DLGAP1: variants seen among roughly 807,000 people sequenced by gnomAD.
The protein encoded by DLGAP1 is disks large-associated protein 1.
DLGAP1 carries 11 observed loss-of-function variants against 90.8 expected under a neutral mutation model. The ratio of observed to expected loss-of-function variants is 0.12; its 90% CI spans 0.08 to 0.20. The LOEUF (loss-of-function observed/expected upper bound fraction) is 0.20. DLGAP1 is among the 10% of genes least tolerant of loss of function. The pLI is 1.00. For synonymous variants in DLGAP1, 558 were observed against 540.7 expected (o/e 1.03, Z -0.44); for missense variants, 1,050 against 1,333.8 (o/e 0.79, Z 3.31).
intron 1 of DLGAP1, among the ~76,000 whole-genome samples, chr18:4,162,197 A>G (rs2076857934): frequency 6.6e-6 from 1 of 152,194 alleles, no homozygotes; most frequent in South Asian, 2.1e-4. Flanking sequence ...AGGATGATCC[A>G]AAGCGATAAT....
At chr18:4,356,868 C>A (rs2081527238) in intron 1 of DLGAP1, among the ~76,000 whole-genome samples, 1 of 152,136 alleles carries the variant, frequency 6.6e-6, no homozygotes, top group African/African-American at 2.4e-5. Flanking sequence ...AGTCCACTGG[C>A]CCCCTTGGTC....
intron 5 of DLGAP1, chr18:3,770,071 G>A (rs2064451832): frequency 6.6e-6 from 1 of 152,132 alleles, no homozygotes; most frequent in Non-Finnish European, 1.5e-5. Flanking sequence ...TTGTACCTAA[G>A]AATAAGTAGA....
intron 1 of DLGAP1, among the ~76,000 whole-genome samples, chr18:4,155,784 T>G (rs773214689): frequency 2.0e-5 from 3 of 152,114 alleles, no homozygotes; most frequent in Non-Finnish European, 2.9e-5. Context: ...TTTTCAGCTT[T>G]TACTCTGAGA....
intron 3 of DLGAP1, among the ~76,000 whole-genome samples, chr18:3,939,356 G>C (rs2072714225): frequency 6.8e-6 from 1 of 146,582 alleles, no homozygotes; most frequent in Non-Finnish European, 1.5e-5. Flanking sequence ...GGTGGAGGTT[G>C]TAGTGAGCTG....
At chr18:4,295,638 G>A (rs997718475) in intron 1 of DLGAP1, among the ~76,000 whole-genome samples, 2 of 152,144 alleles carry the variant, frequency 1.3e-5, no homozygotes, top group African/African-American at 4.8e-5. Context: ...ATTTCATCTG[G>A]CTGTGCTACT....
intron 3 of DLGAP1, among the ~76,000 whole-genome samples, chr18:3,959,669 A>AAAG (rs1555714889): frequency 1.7e-3 from 257 of 149,304 alleles, no homozygotes; most frequent in Middle Eastern, 3.4e-3. Flanking sequence ...GTCTCAAAAA[A>AAAG]AAAGAAAGAA....
intron 7 of DLGAP1, chr18:3,594,080 A>T (rs2056433592): frequency 6.6e-6 from 1 of 151,952 alleles, no homozygotes; most frequent in Non-Finnish European, 1.5e-5. Context: ...CTCCTCTGTT[A>T]GAACTACAGC....
intron 7 of DLGAP1, among the ~76,000 whole-genome samples, chr18:3,705,722 G>A (rs998742063): frequency 2.0e-5 from 3 of 151,248 alleles, no homozygotes; most frequent in Non-Finnish European, 2.9e-5. Context: ...GCAGTGGCTC[G>A]ATCTCGGCTC....
At chr18:4,352,700 G>A (rs920527207) in intron 1 of DLGAP1, among the ~76,000 whole-genome samples, 1 of 151,950 alleles carries the variant, frequency 6.6e-6, no homozygotes, top group Non-Finnish European at 1.5e-5. Flanking sequence ...TCCCCACCCA[G>A]GACAACCACA....
chr18:3,635,241 C>T (rs992851820), intron 7 of DLGAP1, among the ~76,000 whole-genome samples: 24 of 152,068 alleles, frequency 1.6e-4, no homozygotes, highest in African/African-American at 5.8e-4. Flanking sequence ...CGCCATTCTC[C>T]TGCCTCAGCC....
At chr18:3,761,657 C>A (rs2063971571) in intron 5 of DLGAP1, among the ~76,000 whole-genome samples, 1 of 151,892 alleles carries the variant, frequency 6.6e-6, no homozygotes, top group Admixed American at 6.6e-5. Context: ...CTCACTGCAA[C>A]CTCTGCCTCC....
At chr18:4,063,127 C>T (rs991309600) in intron 2 of DLGAP1, among the ~76,000 whole-genome samples, 1 of 151,870 alleles carries the variant, frequency 6.6e-6, no homozygotes, top group Non-Finnish European at 1.5e-5. Context: ...GCTTGGTATC[C>T]AAAAGGAGAG....
At chr18:3,590,666 C>A (rs1428600701) in intron 7 of DLGAP1, among the ~76,000 whole-genome samples, 1 of 152,038 alleles carries the variant, frequency 6.6e-6, no homozygotes, top group Non-Finnish European at 1.5e-5. Flanking sequence ...ACCATCCTGG[C>A]GAACATGGTG....
intron 2 of DLGAP1, among the ~76,000 whole-genome samples, chr18:4,015,928 TATAAAG>T (rs1490624858): frequency 6.6e-6 from 1 of 152,200 alleles, no homozygotes; most frequent in Admixed American, 6.5e-5. Flanking sequence ...AATCAAGATA[TATAAAG>T]GTAAACAAAT....
At position 3,872,309 on chromosome 18, in the gene DLGAP1, A is replaced by G. The variant is rs150413071; in HGVS notation, c.957+6803T>C. ...TAAATGTTATGCCTTTCTTTACACA[A>G]TATTTTCTCCTTTATCTCTGTGTAA... On this transcript the variant is annotated intron_variant, in intron 4 of 12. Transcript: ENST00000315677. 3.4e-3 allele frequency among the ~76,000 whole-genome samples: 514 copies of G among 152,044 alleles called. 4 individuals are homozygous for G. Among genetic ancestry groups the G allele is most frequent in the African/African-American group, 0.012 (478 of 41,502 alleles).
chr18:4,344,078 C>T (rs900774436), intron 1 of DLGAP1, among the ~76,000 whole-genome samples: 5 of 152,080 alleles, frequency 3.3e-5, no homozygotes, highest in African/African-American at 9.7e-5. Flanking sequence ...TATAAAGTGT[C>T]CCGTTTCAAA....
intron 12 of DLGAP1, 53 bp downstream of exon 12, chr18:3,502,440 C>T: frequency 1.2e-6 from 2 of 1,612,046 alleles, no homozygotes. Context: ...TTTAGACTGT[C>T]CAGTGTTTGT....
intron 3 of DLGAP1, among the ~76,000 whole-genome samples, chr18:3,891,520 A>G (rs1234495380): frequency 6.6e-6 from 1 of 152,182 alleles, no homozygotes; most frequent in Non-Finnish European, 1.5e-5. Flanking sequence ...TAAGCCCTCA[A>G]GTCTACTCCT....
At chr18:3,787,990 C>T (rs549030533) in intron 5 of DLGAP1, among the ~76,000 whole-genome samples, 33 of 152,210 alleles carry the variant, frequency 2.2e-4, no homozygotes, top group Non-Finnish European at 2.9e-4. Flanking sequence ...TCTGTCAACA[C>T]GCCTGGACTG....
Sources: allele counts gnomAD v4.1 joint callset (sites outside exome capture counted in the v4.1 genomes callset), GRCh38; gene constraint gnomAD v4.1.1; transcripts MANE v1.5; gene names NCBI Gene and HGNC (gene_info 2026-07-23, HGNC 2026-07-21).